The following LCOR variants were observed in gnomAD, a reference collection of about 807,000 sequenced individuals.
LCOR encodes the protein ligand-dependent corepressor.
A neutral mutation model predicts 64.4 loss-of-function variants in LCOR; 14 were observed. The observed-to-expected ratio is 0.22, with a 90% CI of 0.14 to 0.34. The LOEUF (loss-of-function observed/expected upper bound fraction) is 0.34, where lower values mean the gene tolerates loss of function less well. LCOR is among the 10% of genes least tolerant of loss of function. LCOR has a pLI of 1.00. For synonymous variants in LCOR, 643 were observed against 642.5 expected, an observed-to-expected ratio of 1.00 and a Z score of -0.01; for missense variants, 1,686 against 1,765.3, an observed-to-expected ratio of 0.96 and a Z score of 0.80.
Position 96,987,801 on chromosome 10 carries a change from G to GT in LCOR, c.*2670dup, listed in dbSNP as rs1370686331. The GT allele has an allele frequency of 6.6e-6, 1 of 152,218 alleles. No homozygotes were observed. Among genetic ancestry groups the GT allele is most frequent in the South Asian group, 2.1e-4 (1 of 4,834 alleles). The allele number at this position is 152,218 out of a possible 1,614,324, so 9.4% of individuals were successfully genotyped here. A position where few individuals can be genotyped will look rare whatever the true frequency, so the allele number is the denominator to read the frequency against. ...ACCTACAGCAGGTACTGGCAAAGCA[G>GT]TTTCCCAGATACCTCCAAGCTCAGG... is the stretch of plus-strand genomic sequence containing the variant. On this transcript the variant is annotated 3_prime_UTR_variant, in exon 8 of 8. Transcript: ENST00000421806.
At chr10:96,854,738 G>A (rs1845775226) in intron 2 of LCOR, among the ~76,000 whole-genome samples, 1 of 152,132 alleles carries the variant, frequency 6.6e-6, no homozygotes, top group African/African-American at 2.4e-5. Context: ...ATATTCTTTT[G>A]TATAGAAACA....
chr10:96,949,182 C>G lies in LCOR; in HGVS notation c.125C>G (p.Ser42Cys). 6.2e-7 allele frequency: 1 copy of G among 1,614,188 alleles called. No individual in the cohort carries two copies. The highest frequency in any genetic ancestry group is 8.5e-7 in the Non-Finnish European group (1 of 1,180,030). ...CCGAAAGCATCTCCAGTCACCACCT[C>G]TCCCACGGCTGCAACTACTCAGAAC... Reference protein sequence around the residue: ...SLPKASPVTTSPTAATTQNPV... With the variant: ...SLPKASPVTTCPTAATTQNPV... Residue 42 changes from serine (S) to cysteine (C), a missense_variant, in exon 6 of 8, where the codon TCT becomes TGT. Ser to Cys is a moderately radical substitution (Grantham distance 112). Coordinates refer to ENST00000421806, the MANE Select transcript of LCOR (RefSeq NM_001346516.2).
In LCOR at chr10:96,837,219, T is replaced by C. The variant is rs190650310; in HGVS notation, c.-330+3740T>C. 2.7e-3 allele frequency among the ~76,000 whole-genome samples: 417 copies of C among 152,266 alleles called. 1 individual carries two copies. The highest frequency in any genetic ancestry group is 0.02 in the Middle Eastern group (6 of 294). ...GTTAGCCAGGATGGTCTTGATCTGCTGACCTCGTGATCTGCCCGCCTTGGC... is the reference window on the plus strand; with the variant it reads ...GTTAGCCAGGATGGTCTTGATCTGCCGACCTCGTGATCTGCCCGCCTTGGC... On this transcript the variant is annotated intron_variant, in intron 2 of 7. Transcript: ENST00000421806.
rs1307678666 is a variant in LCOR, at chr10:96,982,313, G to C, written c.1853G>C (p.Trp618Ser). Residue 618 changes from tryptophan (W) to serine (S), a missense_variant, in exon 8 of 8, where the codon TGG (tryptophan) becomes TCG (serine). Trp to Ser is a radical substitution (Grantham distance 177). Around this residue, in one of 3 missense-constraint regions of LCOR, gnomAD observed 1,293 missense variants for 1,410.4 expected, o/e 0.92. Transcript: ENST00000421806. ...GAAACGACAGCCTCCAGCCTGGTGT[G>C]GCCTCTCCCTGCTCACCTTCCTGAA... ...SEETTASSLV[W>S]PLPAHLPEED... 1 of 1,614,196 alleles carries C rather than the reference G, an allele frequency of 6.2e-7. No homozygotes were observed. Among genetic ancestry groups the C allele is most frequent in the Non-Finnish European group, 8.5e-7 (1 of 1,180,036 alleles).
chr10:96,945,669 T>C (rs1004021429), intron 5 of LCOR, among the ~76,000 whole-genome samples: 1 of 152,156 alleles, frequency 6.6e-6, no homozygotes. Flanking sequence ...AAATAAAATA[T>C]CTTTACAGCT....
At chr10:96,943,368 A>T (rs942791944) in intron 4 of LCOR, among the ~76,000 whole-genome samples, 1 of 152,220 alleles carries the variant, frequency 6.6e-6, no homozygotes, top group East Asian at 1.9e-4. Flanking sequence ...AAGTGCTGGG[A>T]TTACAGGCAT....
intron 7 of LCOR, among the ~76,000 whole-genome samples, chr10:96,953,379 C>T (rs1847714765): frequency 6.6e-6 from 1 of 151,962 alleles, no homozygotes; most frequent in African/African-American, 2.4e-5. Flanking sequence ...TGGCAAAACC[C>T]CGTCTCTACT....
chr10:96,896,347 T>A (rs1481298693), intron 2 of LCOR, among the ~76,000 whole-genome samples: 1 of 152,210 alleles, frequency 6.6e-6, no homozygotes. Context: ...GGGGAAAATA[T>A]GAGAAATTTT....
chr10:96,883,568 T>C (rs1186113286), intron 2 of LCOR, among the ~76,000 whole-genome samples: 1 of 152,070 alleles, frequency 6.6e-6, no homozygotes, highest in Non-Finnish European at 1.5e-5. Context: ...TGTATCTCAT[T>C]GTTGTTTCAA....
intron 7 of LCOR, among the ~76,000 whole-genome samples, chr10:96,966,875 G>A (rs956732075): frequency 6.6e-6 from 1 of 152,164 alleles, no homozygotes; most frequent in Non-Finnish European, 1.5e-5. Flanking sequence ...AGCTGGAACT[G>A]CAGGCACATG....
At chr10:96,930,312 G>A (rs1016217779) in intron 4 of LCOR, among the ~76,000 whole-genome samples, 2 of 148,146 alleles carry the variant, frequency 1.4e-5, no homozygotes, top group Non-Finnish European at 3.0e-5. Context: ...AGTAGTATGA[G>A]TCTTCCAGTT....
chr10:96,966,532 C>CCCT, intron 7 of LCOR, among the ~76,000 whole-genome samples: 1 of 151,384 alleles, frequency 6.6e-6, no homozygotes, highest in South Asian at 2.1e-4. Flanking sequence ...CCGGCCAGGA[C>CCCT]TCTTAACAAA....
Position 96,983,461 on chromosome 10 carries a change from C to A in LCOR, c.3001C>A (p.Gln1001Lys). The A allele has an allele frequency of 6.2e-7, 1 of 1,614,108 alleles. No individual in the cohort carries two copies. Among genetic ancestry groups the A allele is most frequent in the Non-Finnish European group, 8.5e-7 (1 of 1,180,012 alleles). Residue 1001 changes from glutamine to lysine, a missense_variant, in exon 8 of 8, where the codon CAG (glutamine) becomes AAG (lysine). By Grantham distance (53) the Gln-to-Lys change is moderately conservative. Transcript: ENST00000421806. This position sits in a 1 kb window ranked among gnomAD's most constrained non-coding sequence, Gnocchi z 4.5. Reference protein sequence around the residue: ...VNEVDNENTQQKDDESDAPCS... With the variant: ...VNEVDNENTQKKDDESDAPCS... ...TGAGGTAGACAACGAAAACACCCAG[C>A]AGAAAGATGATGAGAGTGATGCCCC...
intron 7 of LCOR, among the ~76,000 whole-genome samples, chr10:96,969,643 T>C (rs1200782926): frequency 2.0e-5 from 3 of 152,158 alleles, no homozygotes; most frequent in Admixed American, 2.0e-4. Context: ...GTGGAAGAAG[T>C]TGGGGACAAT....
At chr10:96,955,038 A>G in intron 7 of LCOR, 1 of 1,614,148 alleles carries the variant, frequency 6.2e-7, no homozygotes, top group Non-Finnish European at 8.5e-7. Flanking sequence ...GGATGGAACC[A>G]GGGAAGGTTT....
At chr10:96,832,979 G>A in intron 1 of LCOR, 1 of 984,732 alleles carries the variant, frequency 1.0e-6, no homozygotes, top group African/African-American at 1.7e-5. Context: ...GTGGAGATGG[G>A]GGCGGAGGGA....
Position 96,992,692 on chromosome 10 carries a change from C to T in LCOR, c.*7558C>T, listed in dbSNP as rs753303256. The T allele has an allele frequency of 4.6e-5, 7 of 152,234 alleles. No individual in the cohort carries two copies. Among genetic ancestry groups the T allele is most frequent in the Non-Finnish European group, 1.0e-4 (7 of 68,058 alleles). 9.4% of individuals were successfully genotyped at this position (152,234 alleles called of 1,614,324 possible). ...CACAGTTGGTACATTCAGCTGTACACTTAACAGCCTGTACAGGAAAATGAG... is the reference window on the plus strand; with the variant it reads ...CACAGTTGGTACATTCAGCTGTACATTTAACAGCCTGTACAGGAAAATGAG... On this transcript the variant is annotated 3_prime_UTR_variant, in exon 8 of 8. Coordinates refer to ENST00000421806, the MANE Select transcript of LCOR (RefSeq NM_001346516.2).
intron 2 of LCOR, among the ~76,000 whole-genome samples, chr10:96,904,557 C>CT (rs1256170579): frequency 6.6e-6 from 1 of 152,106 alleles, no homozygotes; most frequent in Non-Finnish European, 1.5e-5. Context: ...AGAGCTCAAC[C>CT]TTGAGACTAG....
At chr10:96,842,829 C>A (rs755170257) in intron 2 of LCOR, among the ~76,000 whole-genome samples, 8 of 151,946 alleles carry the variant, frequency 5.3e-5, no homozygotes, top group Non-Finnish European at 1.2e-4. Context: ...AGGGGTTTTA[C>A]CATGTTGGCC....
Sources: gnomAD v4.1 joint callset for allele counts (sites outside exome capture counted in the v4.1 genomes callset) on GRCh38, gnomAD v4.1.1 for gene constraint, gnomAD v4.1.1 regional missense constraint, Gnocchi (gnomAD v3.1) non-coding constraint, MANE v1.5 for transcripts, NCBI Gene and HGNC (gene_info 2026-07-23, HGNC 2026-07-21) for gene names.